ARL15: variants seen among roughly 807,000 people sequenced by gnomAD.
ARL15 encodes ADP-ribosylation factor-like protein 15.
In ARL15, 19 loss-of-function variants were observed where a neutral mutation model predicts 25.2. That is an observed-to-expected ratio of 0.75 (90% CI 0.53 to 1.10). The LOEUF is 1.10. ARL15 is among the 50% of genes least tolerant of loss of function. The pLI, the probability that ARL15 is intolerant of heterozygous loss-of-function variation, is 0.00. For synonymous variants in ARL15, 94 were observed against 86.8 expected (o/e 1.08, Z -0.46); for missense variants, 220 against 246.0 (o/e 0.89, Z 0.71).
chr5:53,907,229 A>AT (rs1164469342), intron 4 of ARL15, among the ~76,000 whole-genome samples: 1 of 151,584 alleles, frequency 6.6e-6, no homozygotes, highest in Admixed American at 6.6e-5. Flanking sequence ...CATTCCATCT[A>AT]TTTTCCCATC....
intron 1 of ARL15, among the ~76,000 whole-genome samples, chr5:54,222,922 T>G (rs1479347269): frequency 6.6e-6 from 1 of 151,638 alleles, no homozygotes; most frequent in Non-Finnish European, 1.5e-5. Flanking sequence ...CGGGTTCTAG[T>G]GATTCTTCTG....
chr5:54,243,680 G>C (rs1757016109), intron 1 of ARL15, among the ~76,000 whole-genome samples: 1 of 152,238 alleles, frequency 6.6e-6, no homozygotes, highest in African/African-American at 2.4e-5. Flanking sequence ...AAAGGGGGCA[G>C]CAGTCACTCA....
chr5:54,096,590 T>C (rs1407942455), intron 4 of ARL15, among the ~76,000 whole-genome samples: 2 of 152,092 alleles, frequency 1.3e-5, no homozygotes, highest in Admixed American at 6.5e-5. Flanking sequence ...TTTGTATTTT[T>C]AGTAGAGATG....
intron 1 of ARL15, among the ~76,000 whole-genome samples, chr5:54,253,597 T>C (rs1757295199): frequency 6.6e-6 from 1 of 152,270 alleles, no homozygotes; most frequent in Non-Finnish European, 1.5e-5. Flanking sequence ...AATCAGATTT[T>C]TTTTTTTTCT....
At chr5:54,150,481 G>C (rs561783155) in intron 3 of ARL15, among the ~76,000 whole-genome samples, 1 of 152,288 alleles carries the variant, frequency 6.6e-6, no homozygotes, top group Admixed American at 6.5e-5. Flanking sequence ...TTTGAGCAGA[G>C]AGCAAGGTAT....
chr5:54,274,521 A>G (rs192220735), intron 1 of ARL15, among the ~76,000 whole-genome samples: 98 of 152,318 alleles, frequency 6.4e-4, no homozygotes, highest in Non-Finnish European at 1.0e-3. Flanking sequence ...CTAAAATTGT[A>G]AATTCCCCTG....
chr5:53,939,631 A>G (rs1330726170), intron 4 of ARL15, among the ~76,000 whole-genome samples: 1 of 151,838 alleles, frequency 6.6e-6, no homozygotes, highest in Non-Finnish European at 1.5e-5. Flanking sequence ...CCTACTCTGG[A>G]GGTTGAGGCA....
At chr5:54,144,318 C>T (rs1305974383) in intron 3 of ARL15, among the ~76,000 whole-genome samples, 1 of 151,940 alleles carries the variant, frequency 6.6e-6, no homozygotes, top group Non-Finnish European at 1.5e-5. Context: ...TGTAACTATT[C>T]TCTATGTCTC....
At chr5:53,911,406 T>G (rs1210146754) in intron 4 of ARL15, among the ~76,000 whole-genome samples, 2 of 152,084 alleles carry the variant, frequency 1.3e-5, no homozygotes, top group Non-Finnish European at 2.9e-5. Context: ...CTCTCCCTCA[T>G]TCCTTCCCCC....
intron 1 of ARL15, among the ~76,000 whole-genome samples, chr5:54,247,046 A>G (rs150015433): frequency 3.3e-5 from 5 of 152,234 alleles, no homozygotes; most frequent in African/African-American, 7.2e-5. Flanking sequence ...AATCTCTAAG[A>G]TAAATAATTC....
intron 4 of ARL15, among the ~76,000 whole-genome samples, chr5:54,060,163 G>A (rs966535540): frequency 4.6e-5 from 7 of 151,208 alleles, no homozygotes; most frequent in South Asian, 2.1e-4. Context: ...CCCCGGGTGC[G>A]GTGTCTCACA....
At chr5:54,137,281 C>A (rs1021975567) in intron 3 of ARL15, among the ~76,000 whole-genome samples, 1 of 152,158 alleles carries the variant, frequency 6.6e-6, no homozygotes, top group Non-Finnish European at 1.5e-5. Context: ...CCCCTTGTGT[C>A]CTCCTCTGGT....
chr5:54,049,414 A>T (rs529019853), intron 4 of ARL15, among the ~76,000 whole-genome samples: 1 of 152,138 alleles, frequency 6.6e-6, no homozygotes, highest in South Asian at 2.1e-4. Context: ...CACTATACAT[A>T]GGTATCTTAA....
At chr5:54,211,414 G>A (rs1298203759) in intron 1 of ARL15, among the ~76,000 whole-genome samples, 4 of 150,026 alleles carry the variant, frequency 2.7e-5, no homozygotes, top group Non-Finnish European at 5.9e-5. Context: ...GCAGTTAAAA[G>A]ATTGGAATAT....
intron 1 of ARL15, among the ~76,000 whole-genome samples, chr5:54,221,827 A>G (rs1756381742): frequency 8.8e-5 from 1 of 11,372 alleles, no homozygotes; most frequent in African/African-American, 5.5e-4. Flanking sequence ...AGAAACATGC[A>G]CACACACACA....
intron 1 of ARL15, among the ~76,000 whole-genome samples, chr5:54,288,485 T>C (rs1213613565): frequency 6.6e-6 from 1 of 152,174 alleles, no homozygotes; most frequent in African/African-American, 2.4e-5. Context: ...AAAATGAAAC[T>C]GTCAAAGCCA....
At chr5:54,099,983 C>G (rs1162707750) in intron 4 of ARL15, among the ~76,000 whole-genome samples, 1 of 151,022 alleles carries the variant, frequency 6.6e-6, no homozygotes. Flanking sequence ...CAAGTTAAAC[C>G]TGGGTATATC....
intron 4 of ARL15, among the ~76,000 whole-genome samples, chr5:53,966,124 T>C (rs1747555634): frequency 6.6e-6 from 1 of 151,858 alleles, no homozygotes; most frequent in Non-Finnish European, 1.5e-5. Flanking sequence ...ATTAGAGGAG[T>C]GGAACTTGCA....
At chr5:54,099,230 G>A (rs138691790) in intron 4 of ARL15, among the ~76,000 whole-genome samples, 5 of 152,076 alleles carry the variant, frequency 3.3e-5, no homozygotes, top group Admixed American at 6.5e-5. Context: ...TAACAGTACC[G>A]CAAACTTGAC....
Sources: gnomAD v4.1 joint callset for allele counts (sites outside exome capture counted in the v4.1 genomes callset) on GRCh38, gnomAD v4.1.1 for gene constraint, MANE v1.5 for transcripts, NCBI Gene and HGNC (gene_info 2026-07-23, HGNC 2026-07-21) for gene names.